TANC2: variants seen among roughly 807,000 people sequenced by gnomAD.
TANC2 encodes protein TANC2.
A neutral mutation model predicts 210.5 loss-of-function variants in TANC2; 26 were observed. The ratio of observed to expected loss-of-function variants is 0.12; its 90% CI spans 0.09 to 0.17. TANC2 has a LOEUF of 0.17. Ranked by LOEUF, TANC2 falls within the 10% of genes least tolerant of loss-of-function variation. The probability of loss-of-function intolerance (pLI) is 1.00; values close to 1 mark genes in which losing one functional copy is unlikely to be tolerated. For synonymous variants in TANC2, 931 were observed against 967.1 expected (o/e 0.96, Z 0.69); for missense variants, 2,129 against 2,608.9 (o/e 0.82, Z 4.01).
At chr17:63,088,060 C>G (rs75280044) in intron 3 of TANC2, 8 of 152,006 alleles carry the variant, frequency 5.3e-5, no homozygotes, top group African/African-American at 1.9e-4. Context: ...ATGAGAGAGA[C>G]GAGGTAGGGT....
At chr17:63,281,430 T>C (rs1567878457) in intron 9 of TANC2, among the ~76,000 whole-genome samples, 1 of 152,070 alleles carries the variant, frequency 6.6e-6, no homozygotes, top group Non-Finnish European at 1.5e-5. Flanking sequence ...CTGAACCATA[T>C]ATGTATAGAA....
At chr17:63,266,854 ATTGTTG>A (rs974994495) in intron 8 of TANC2, among the ~76,000 whole-genome samples, 2 of 151,534 alleles carry the variant, frequency 1.3e-5, no homozygotes, top group Non-Finnish European at 2.9e-5. Context: ...TTGTGGTGTT[ATTGTTG>A]TTGTTGTTTG....
intron 8 of TANC2, among the ~76,000 whole-genome samples, chr17:63,255,105 T>TTTTA (rs1222180967): frequency 5.2e-5 from 7 of 135,492 alleles, no homozygotes; most frequent in South Asian, 4.4e-4. Context: ...ATTTATTTAT[T>TTTTA]TTTATTTATT....
At chr17:63,132,187 A>G (rs1416087435) in intron 4 of TANC2, among the ~76,000 whole-genome samples, 2 of 152,076 alleles carry the variant, frequency 1.3e-5, no homozygotes, top group South Asian at 2.1e-4. Context: ...TTTAGCTTCC[A>G]TTCCTCTTTA....
chr17:63,084,269 G>T (rs1216051401), intron 3 of TANC2, among the ~76,000 whole-genome samples: 1 of 152,128 alleles, frequency 6.6e-6, no homozygotes, highest in Non-Finnish European at 1.5e-5. Context: ...TGTGGGTGTA[G>T]AATTGCTTAT....
chr17:62,984,508 G>A (rs889427859), intron 1 of TANC2, among the ~76,000 whole-genome samples: 4 of 151,326 alleles, frequency 2.6e-5, no homozygotes, highest in Non-Finnish European at 4.4e-5. Context: ...TTTTGGGTTC[G>A]GCTTGTTCTT....
chr17:63,007,309 T>C (rs1256307462), intron 1 of TANC2, among the ~76,000 whole-genome samples: 1 of 152,220 alleles, frequency 6.6e-6, no homozygotes, highest in Non-Finnish European at 1.5e-5. Flanking sequence ...TAGTAATGCA[T>C]ATTGCCTTAA....
chr17:63,359,474 G>A (rs1023021222), intron 14 of TANC2, among the ~76,000 whole-genome samples: 1 of 151,842 alleles, frequency 6.6e-6, no homozygotes, highest in Admixed American at 6.6e-5. Context: ...CTCCCAAGTA[G>A]CTGGGATATT....
chr17:63,337,674 A>G (rs2046080537), intron 11 of TANC2, among the ~76,000 whole-genome samples: 2 of 151,880 alleles, frequency 1.3e-5, no homozygotes, highest in Admixed American at 1.3e-4. Context: ...TTATATAGGT[A>G]AACTCATGTC....
Position 63,350,738 on chromosome 17 carries a change from G to C in TANC2, c.1808-512G>C, listed in dbSNP as rs188018751. Among the ~76,000 whole-genome samples, 4 of 152,104 alleles carry C rather than the reference G, an allele frequency of 2.6e-5. No individual in the cohort carries two copies. In the East Asian group the frequency reaches 7.7e-4, roughly 29 times the overall value. On this transcript the variant is annotated intron_variant, in intron 12 of 27. Transcript: ENST00000689528. ...TGGGATTCCTTTTCTCTGTTACTCT[G>C]TCTCTTCCTTCCCACTACACATTCA... is the stretch of plus-strand genomic sequence containing the variant.
intron 9 of TANC2, among the ~76,000 whole-genome samples, chr17:63,312,391 G>C (rs990175562): frequency 7.2e-5 from 11 of 152,134 alleles, no homozygotes; most frequent in African/African-American, 2.7e-4. Flanking sequence ...CCATAAAAAA[G>C]AATGGAATCA....
chr17:63,397,010 C>A (rs947652236), intron 18 of TANC2: 3 of 150,890 alleles, frequency 2.0e-5, no homozygotes, highest in African/African-American at 4.9e-5. Flanking sequence ...CGTGGTGGCT[C>A]ACGCCTGTAA....
chr17:62,998,810 A>G (rs1206227916), intron 1 of TANC2, among the ~76,000 whole-genome samples: 1 of 152,234 alleles, frequency 6.6e-6, no homozygotes, highest in Admixed American at 6.5e-5. Context: ...ACACTTAAGT[A>G]CATAGACAGT....
chr17:63,004,172 G>A (rs910644092), intron 1 of TANC2, among the ~76,000 whole-genome samples: 3 of 152,152 alleles, frequency 2.0e-5, no homozygotes, highest in Non-Finnish European at 4.4e-5. Context: ...TTCAGGTAGC[G>A]AAATGAAAAT....
At chr17:63,202,651 G>T (rs947792151) in intron 7 of TANC2, among the ~76,000 whole-genome samples, 1 of 152,060 alleles carries the variant, frequency 6.6e-6, no homozygotes, top group Non-Finnish European at 1.5e-5. Context: ...GTAGACAAAA[G>T]TGATTATGTT....
chr17:62,984,770 A>T (rs1268611416), intron 1 of TANC2, among the ~76,000 whole-genome samples: 2 of 151,864 alleles, frequency 1.3e-5, no homozygotes, highest in Non-Finnish European at 2.9e-5. Flanking sequence ...TATAGTTTTG[A>T]ATGTTGCTCT....
At chr17:63,350,625 C>G (rs1488666629) in intron 12 of TANC2, among the ~76,000 whole-genome samples, 1 of 152,110 alleles carries the variant, frequency 6.6e-6, no homozygotes. Context: ...ATGCAAGGGA[C>G]TGGTCTCATT....
At chr17:63,318,807 A>AC in intron 10 of TANC2, 150 bp from the exon 11 acceptor site, 1 of 879,368 alleles carries the variant, frequency 1.1e-6, no homozygotes, top group Non-Finnish European at 1.8e-6. Flanking sequence ...ACACTTGTGT[A>AC]CAAGTTTTTG....
intron 7 of TANC2, among the ~76,000 whole-genome samples, chr17:63,234,648 T>TA (rs397856844): frequency 3.9e-5 from 6 of 152,122 alleles, no homozygotes; most frequent in African/African-American, 1.4e-4. Context: ...GTTTTTTTTT[T>TA]AATTTAAATA....
Sources: allele counts gnomAD v4.1 joint callset (sites outside exome capture counted in the v4.1 genomes callset), GRCh38; gene constraint gnomAD v4.1.1; transcripts MANE v1.5; gene names NCBI Gene and HGNC (gene_info 2026-07-23, HGNC 2026-07-21).